The following BACH2 variants were observed in gnomAD, a reference collection of about 807,000 sequenced individuals.
The protein encoded by BACH2 is BACH transcriptional regulator 2, also known as transcription regulator protein BACH2.
Under a neutral mutation model 61.8 loss-of-function variants are expected in BACH2, and 5 were observed. That is an observed-to-expected ratio of 0.08 (90% CI 0.04 to 0.17). BACH2 has a LOEUF of 0.17. BACH2 is among the 10% of genes least tolerant of loss of function. The pLI is 1.00. For synonymous variants in BACH2, 446 were observed against 440.1 expected (o/e 1.01, Z -0.17); for missense variants, 824 against 1,091.1 (o/e 0.76, Z 3.45).
At chr6:90,216,182 T>C (rs1769529757) in intron 3 of BACH2, among the ~76,000 whole-genome samples, 1 of 152,180 alleles carries the variant, frequency 6.6e-6, no homozygotes, top group African/African-American at 2.4e-5. Context: ...TCTGATCTCA[T>C]TACAGCAGTT....
At chr6:90,242,250 G>A (rs997604509) in intron 3 of BACH2, among the ~76,000 whole-genome samples, 5 of 152,102 alleles carry the variant, frequency 3.3e-5, no homozygotes, top group African/African-American at 1.2e-4. Flanking sequence ...TGTTCATCCT[G>A]TCCCCTCTTC....
chr6:89,952,956 T>C, intron 6 of BACH2: 1 of 152,232 alleles, frequency 6.6e-6, no homozygotes, highest in East Asian at 1.9e-4. Context: ...TCTAGGTTCT[T>C]GCAAGCACTG....
intron 6 of BACH2, among the ~76,000 whole-genome samples, chr6:90,007,783 A>T (rs527729579): frequency 6.6e-6 from 1 of 152,334 alleles, no homozygotes; most frequent in South Asian, 2.1e-4. Flanking sequence ...AAGCTTGTGT[A>T]ACTGTTGGTG....
intron 4 of BACH2, among the ~76,000 whole-genome samples, chr6:90,090,491 C>T (rs1782116262): frequency 6.6e-6 from 1 of 152,128 alleles, no homozygotes; most frequent in South Asian, 2.1e-4. Flanking sequence ...GAGAAAAATA[C>T]ACTTGCTCCT....
intron 5 of BACH2, among the ~76,000 whole-genome samples, chr6:90,067,860 T>C (rs928781662): frequency 6.6e-6 from 1 of 152,178 alleles, no homozygotes; most frequent in Non-Finnish European, 1.5e-5. Flanking sequence ...TTTATCATTG[T>C]AGCTAGTCCC....
intron 4 of BACH2, among the ~76,000 whole-genome samples, chr6:90,123,422 T>A (rs1299447331): frequency 6.6e-6 from 1 of 152,156 alleles, no homozygotes; most frequent in Admixed American, 6.5e-5. Flanking sequence ...CAGTTTGTGA[T>A]AATTTGTTAA....
At chr6:90,154,325 C>A (rs1309351625) in intron 4 of BACH2, among the ~76,000 whole-genome samples, 1 of 152,128 alleles carries the variant, frequency 6.6e-6, no homozygotes, top group Non-Finnish European at 1.5e-5. Flanking sequence ...AAAAAAGTCT[C>A]AAGAGCCCAA....
At chr6:90,142,753 GATC>G (rs1582414157) in intron 4 of BACH2, among the ~76,000 whole-genome samples, 1 of 152,106 alleles carries the variant, frequency 6.6e-6, no homozygotes, top group African/African-American at 2.4e-5. Flanking sequence ...TGGGTAGGAA[GATC>G]ATTATAAAAG....
intron 2 of BACH2, among the ~76,000 whole-genome samples, chr6:90,267,176 C>T (rs527772749): frequency 2.3e-4 from 35 of 152,132 alleles, no homozygotes; most frequent in Middle Eastern, 3.4e-3. Flanking sequence ...CCTACTAAAA[C>T]GAACAAATAA....
intron 4 of BACH2, among the ~76,000 whole-genome samples, chr6:90,089,601 T>C (rs1782077085): frequency 6.6e-6 from 1 of 152,104 alleles, no homozygotes; most frequent in African/African-American, 2.4e-5. Flanking sequence ...TTAATATTTA[T>C]TTTTTCAGAT....
intron 3 of BACH2, among the ~76,000 whole-genome samples, chr6:90,219,156 C>A (rs1248455798): frequency 6.6e-6 from 1 of 152,194 alleles, no homozygotes; most frequent in Non-Finnish European, 1.5e-5. Context: ...TATGATGTCA[C>A]TTCTCTGTTT....
chr6:90,126,830 A>G (rs1439272552), intron 4 of BACH2, among the ~76,000 whole-genome samples: 2 of 152,244 alleles, frequency 1.3e-5, no homozygotes, highest in Non-Finnish European at 2.9e-5. Flanking sequence ...TCTACACACT[A>G]CATTTATCCT....
chr6:90,100,749 A>ACACC (rs1243065178), intron 4 of BACH2, among the ~76,000 whole-genome samples: 5 of 150,608 alleles, frequency 3.3e-5, no homozygotes, highest in East Asian at 1.9e-4. Flanking sequence ...ACACACACAC[A>ACACC]CCCTCTATTG....
At chr6:90,139,408 C>T (rs1334791624) in intron 4 of BACH2, among the ~76,000 whole-genome samples, 2 of 152,188 alleles carry the variant, frequency 1.3e-5, no homozygotes, top group Non-Finnish European at 2.9e-5. Context: ...GGGGAAAGGT[C>T]CCCTGCAGGC....
intron 4 of BACH2, among the ~76,000 whole-genome samples, chr6:90,150,945 T>C (rs1207774367): frequency 6.6e-6 from 1 of 152,186 alleles, no homozygotes; most frequent in Non-Finnish European, 1.5e-5. Flanking sequence ...CCACAGTCAC[T>C]GTATAATTCA....
chr6:89,952,241 T>C (rs750093720), intron 6 of BACH2: 15 of 192,372 alleles, frequency 7.8e-5, no homozygotes, highest in Admixed American at 2.1e-4. Context: ...GAGGGGGGAG[T>C]GTTGTGACAC....
rs34080254 is a variant in BACH2, at chr6:90,218,506, C to CT, written c.-274-11826dup. On this transcript the variant is annotated intron_variant, in intron 3 of 8. Transcript: ENST00000257749. ...CCACCCTCCTCTTTTTCTTTTCTTTCTTTTTTTTTTTTTTAATTTCCACTG... is the reference window on the plus strand; with the variant it reads ...CCACCCTCCTCTTTTTCTTTTCTTTCTTTTTTTTTTTTTTTAATTTCCACTG... Among the ~76,000 whole-genome samples, 395 of 142,876 alleles carry CT rather than the reference C, an allele frequency of 2.8e-3. 4 individuals are homozygous for CT. Among genetic ancestry groups the CT allele is most frequent in the African/African-American group, 7.9e-3 (308 of 39,048 alleles). The allele number at this position is 142,876 out of a possible 152,430, so 93.7% of individuals were successfully genotyped here. A position where few individuals can be genotyped will look rare whatever the true frequency, so the allele number is the denominator to read the frequency against.
intron 3 of BACH2, among the ~76,000 whole-genome samples, chr6:90,214,646 C>G (rs1769467909): frequency 6.6e-6 from 1 of 151,818 alleles, no homozygotes; most frequent in African/African-American, 2.4e-5. Context: ...GGTTATATGC[C>G]TTGTTCCTCT....
chr6:90,233,755 T>G (rs1770173511), intron 3 of BACH2, among the ~76,000 whole-genome samples: 1 of 152,180 alleles, frequency 6.6e-6, no homozygotes, highest in South Asian at 2.1e-4. Context: ...TCCTATGGTC[T>G]TTATCTCTCC....
Sources: gnomAD v4.1 joint callset for allele counts (sites outside exome capture counted in the v4.1 genomes callset) on GRCh38, gnomAD v4.1.1 for gene constraint, MANE v1.5 for transcripts, NCBI Gene and HGNC (gene_info 2026-07-23, HGNC 2026-07-21) for gene names.